GABRG3: variants seen among roughly 807,000 people sequenced by gnomAD.
GABRG3 encodes gamma-aminobutyric acid receptor subunit gamma-3.
GABRG3 carries 25 observed loss-of-function variants against 48.8 expected under a neutral mutation model. The observed-to-expected ratio is 0.51, with a 90% CI of 0.37 to 0.72. The LOEUF is 0.72. GABRG3 is among the 30% of genes least tolerant of loss of function. GABRG3 has a pLI of 0.00. For missense variants in GABRG3, 394 were observed against 577.9 expected (o/e 0.68, Z 3.26); for synonymous variants, 227 against 217.6 (o/e 1.04, Z -0.38).
At chr15:27,063,760 G>A (rs567770619) in intron 3 of GABRG3, among the ~76,000 whole-genome samples, 2 of 152,296 alleles carry the variant, frequency 1.3e-5, no homozygotes, top group East Asian at 1.9e-4. Context: ...GCAGCCTGGC[G>A]TCAATCACTG....
intron 5 of GABRG3, among the ~76,000 whole-genome samples, chr15:27,464,653 T>C (rs1173707990): frequency 6.6e-6 from 1 of 152,196 alleles, no homozygotes; most frequent in Admixed American, 6.5e-5. Context: ...ATCCTAGCCA[T>C]CCTAGCGGGT....
intron 5 of GABRG3, among the ~76,000 whole-genome samples, chr15:27,469,632 C>T (rs544037170): frequency 4.6e-5 from 7 of 152,246 alleles, no homozygotes; most frequent in African/African-American, 1.4e-4. Flanking sequence ...TGAGCCACCG[C>T]GCCTGGCCTC....
intron 3 of GABRG3, among the ~76,000 whole-genome samples, chr15:27,028,559 C>T (rs920722116): frequency 8.5e-5 from 13 of 152,142 alleles, no homozygotes; most frequent in Admixed American, 3.3e-4. Context: ...GTAATCCCAG[C>T]ACTTTGGGAG....
At chr15:27,341,977 C>G (rs1469874911) in intron 5 of GABRG3, among the ~76,000 whole-genome samples, 1 of 152,196 alleles carries the variant, frequency 6.6e-6, no homozygotes, top group Non-Finnish European at 1.5e-5. Flanking sequence ...GAGAATGTTG[C>G]CTGGCTTTCT....
rs139501349 is a variant in GABRG3, at chr15:27,261,093, C to T, written c.271-65716C>T. Among the ~76,000 whole-genome samples the T allele has an allele frequency of 7.3e-3, 1,112 of 152,138 alleles. 5 individuals are homozygous for T. Among genetic ancestry groups the T allele is most frequent in the Middle Eastern group, 0.027 (8 of 294 alleles). On this transcript the variant is annotated intron_variant, in intron 3 of 9. Coordinates refer to ENST00000615808, the MANE Select transcript of GABRG3 (RefSeq NM_033223.5). The stretch of plus-strand genomic sequence containing the variant: ...ATTTTCAACTTTAAAAACAAATACG[C>T]AAACTTTAATTATGTTTATAAATGA...
At chr15:27,170,244 G>A (rs1295434101) in intron 3 of GABRG3, among the ~76,000 whole-genome samples, 1 of 152,168 alleles carries the variant, frequency 6.6e-6, no homozygotes, top group Non-Finnish European at 1.5e-5. Context: ...AACATGGGTA[G>A]AAATGACATA....
At chr15:27,096,886 G>T (rs1367882204) in intron 3 of GABRG3, among the ~76,000 whole-genome samples, 27 of 144,836 alleles carry the variant, frequency 1.9e-4, no homozygotes, top group African/African-American at 6.9e-4. Flanking sequence ...TGTTGCCCAG[G>T]CTGGAGTGCA....
intron 3 of GABRG3, among the ~76,000 whole-genome samples, chr15:27,284,268 T>A (rs1891535640): frequency 6.6e-6 from 1 of 152,180 alleles, no homozygotes; most frequent in Non-Finnish European, 1.5e-5. Context: ...ATGTTACGAA[T>A]CACAGAAAAA....
intron 3 of GABRG3, among the ~76,000 whole-genome samples, chr15:27,172,134 G>C (rs578195987): frequency 6.6e-6 from 1 of 152,320 alleles, no homozygotes; most frequent in Non-Finnish European, 1.5e-5. Context: ...TACAATGGGA[G>C]TTAAATTTCA....
chr15:27,026,973 T>TAA (rs28399527), intron 3 of GABRG3, 152 bp downstream of exon 3: 3 of 466,854 alleles, frequency 6.4e-6, no homozygotes, highest in African/African-American at 4.0e-5. Context: ...TTGAAAATGG[T>TAA]AAAAAAAAAA....
At chr15:27,062,956 G>A (rs939648224) in intron 3 of GABRG3, among the ~76,000 whole-genome samples, 1 of 152,178 alleles carries the variant, frequency 6.6e-6, no homozygotes, top group Non-Finnish European at 1.5e-5. Context: ...ACTAATATCT[G>A]CTGATCCTTT....
chr15:27,290,223 T>C (rs1407004304), intron 3 of GABRG3, among the ~76,000 whole-genome samples: 1 of 151,912 alleles, frequency 6.6e-6, no homozygotes, highest in African/African-American at 2.4e-5. Context: ...AAAATAAATA[T>C]TGACGAACAG....
In GABRG3 at chr15:27,093,786, G is replaced by T. The variant is rs552926116; in HGVS notation, c.270+66965G>T. On this transcript the variant is annotated intron_variant, in intron 3 of 9. Transcript: ENST00000615808. Reference sequence around the variant, plus strand: ...AGCCCTAAAAAAGGAACTTCAGAAGGTATTGACACTATTGCACCTTTTTAA... The same window carrying T: ...AGCCCTAAAAAAGGAACTTCAGAAGTTATTGACACTATTGCACCTTTTTAA... Among the ~76,000 whole-genome samples the T allele has an allele frequency of 3.3e-5, 5 of 152,186 alleles. No homozygotes were observed. The East Asian group carries it at 9.7e-4, about 30-fold the overall frequency.
chr15:27,132,903 G>A (rs976487), intron 3 of GABRG3, among the ~76,000 whole-genome samples: 44,339 of 151,044 alleles, frequency 0.29, 7,712 homozygotes, highest in Non-Finnish European at 0.39. Flanking sequence ...TTATTGATGT[G>A]TCATCTTTCT....
intron 3 of GABRG3, among the ~76,000 whole-genome samples, chr15:27,212,001 T>C (rs1303150755): frequency 6.6e-6 from 1 of 152,190 alleles, no homozygotes; most frequent in Non-Finnish European, 1.5e-5. Flanking sequence ...TGAAGAAGAA[T>C]TTCTTAAAAT....
chr15:27,410,071 A>C (rs780833833), intron 5 of GABRG3, among the ~76,000 whole-genome samples: 1 of 152,214 alleles, frequency 6.6e-6, no homozygotes. Context: ...TTTTATTTAT[A>C]AAACCAAGAA....
chr15:27,487,964 T>C (rs1327747412), intron 6 of GABRG3, among the ~76,000 whole-genome samples: 2 of 152,160 alleles, frequency 1.3e-5, no homozygotes, highest in Non-Finnish European at 2.9e-5. Flanking sequence ...AAAAGTATCT[T>C]AGTTCATGAA....
chr15:27,106,979 A>G (rs1897461024), intron 3 of GABRG3, among the ~76,000 whole-genome samples: 1 of 152,052 alleles, frequency 6.6e-6, no homozygotes, highest in African/African-American at 2.4e-5. Context: ...ACAATTCCAT[A>G]CAGTCTCTTC....
intron 6 of GABRG3, among the ~76,000 whole-genome samples, chr15:27,494,217 T>TA (rs1411945895): frequency 6.6e-6 from 1 of 151,968 alleles, no homozygotes; most frequent in African/African-American, 2.4e-5. Context: ...GCAAAATTCT[T>TA]AAAATATTAA....
Sources: gnomAD v4.1 joint callset for allele counts (sites outside exome capture counted in the v4.1 genomes callset) on GRCh38, gnomAD v4.1.1 for gene constraint, MANE v1.5 for transcripts, NCBI Gene and HGNC (gene_info 2026-07-23, HGNC 2026-07-21) for gene names.